GALNTL6: variants seen among roughly 807,000 people sequenced by gnomAD.
The protein encoded by GALNTL6 is polypeptide N-acetylgalactosaminyltransferase-like 6.
Under a neutral mutation model 73.7 loss-of-function variants are expected in GALNTL6, and 46 were observed. That is an observed-to-expected ratio of 0.62 (90% CI 0.49 to 0.80). GALNTL6 has a LOEUF of 0.80. Ranked by LOEUF, GALNTL6 falls within the 30% of genes least tolerant of loss-of-function variation. The pLI is 0.00. For missense variants in GALNTL6, 604 were observed against 755.0 expected, an observed-to-expected ratio of 0.80 and a Z score of 2.34; for synonymous variants, 259 against 263.7, an observed-to-expected ratio of 0.98 and a Z score of 0.17.
chr4:172,669,027 A>T (rs572503409), intron 5 of GALNTL6: 6 of 152,318 alleles, frequency 3.9e-5, no homozygotes, highest in African/African-American at 1.4e-4. Context: ...TATTTTATAG[A>T]TTCAGTTCTG....
At chr4:172,484,847 A>T (rs1733614932) in intron 5 of GALNTL6, among the ~76,000 whole-genome samples, 1 of 152,270 alleles carries the variant, frequency 6.6e-6, no homozygotes, top group South Asian at 2.1e-4. Flanking sequence ...GACTCAATAT[A>T]ACCTTGTTTT....
At chr4:172,290,707 A>C (rs1739437937) in intron 3 of GALNTL6, among the ~76,000 whole-genome samples, 1 of 151,930 alleles carries the variant, frequency 6.6e-6, no homozygotes, top group Non-Finnish European at 1.5e-5. Flanking sequence ...GGTGGGATAT[A>C]ATATACAATA....
intron 5 of GALNTL6, among the ~76,000 whole-genome samples, chr4:172,445,106 C>G (rs549605514): frequency 6.6e-6 from 1 of 152,156 alleles, no homozygotes; most frequent in Non-Finnish European, 1.5e-5. Flanking sequence ...GGGCACTATT[C>G]CTCAGAGAAC....
Position 172,809,433 on chromosome 4 carries a change from GAGA to G in GALNTL6, c.629_631del (p.Glu210del). ...GTGAGGATTGTTCGCACCAAGAAAA[GAGA>G]AGGACTCATCCGGACCCGTCTCCTG... On this transcript the variant is annotated inframe_deletion, in exon 6 of 13. Coordinates refer to ENST00000506823, the MANE Select transcript of GALNTL6 (RefSeq NM_001034845.3). The surrounding 1 kb of genome is among the most constrained non-coding windows in gnomAD (Gnocchi z 4.4). 6.2e-7 allele frequency: 1 copy of G among 1,613,926 alleles called. No individual in the cohort carries two copies. The highest frequency in any genetic ancestry group is 1.1e-5 in the South Asian group (1 of 91,056).
intron 2 of GALNTL6, among the ~76,000 whole-genome samples, chr4:172,158,977 A>G (rs1734370001): frequency 6.6e-6 from 1 of 152,292 alleles, no homozygotes; most frequent in Admixed American, 6.5e-5. Context: ...TTTTAAAACA[A>G]AAAAAGATTC....
chr4:172,185,835 A>C (rs1201868971), intron 2 of GALNTL6, among the ~76,000 whole-genome samples: 1 of 152,204 alleles, frequency 6.6e-6, no homozygotes, highest in Non-Finnish European at 1.5e-5. Flanking sequence ...GTATTTCAGT[A>C]AAGTAATATA....
At position 172,389,767 on chromosome 4, in the gene GALNTL6, T is replaced by G. The variant is rs574193474; in HGVS notation, c.553+41078T>G. Among the ~76,000 whole-genome samples, 231 of 152,292 alleles carry G rather than the reference T, an allele frequency of 1.5e-3. 1 individual carries two copies. Among genetic ancestry groups the G allele is most frequent in the Non-Finnish European group, 3.0e-3 (202 of 67,990 alleles). On this transcript the variant is annotated intron_variant, in intron 5 of 12. Coordinates refer to ENST00000506823, the MANE Select transcript of GALNTL6 (RefSeq NM_001034845.3). Reference sequence around the variant, plus strand: ...ATATTTGACAAACCCAGATGGTGGATACATAGCTTTTTATATGCTTAATAT... The same window carrying G: ...ATATTTGACAAACCCAGATGGTGGAGACATAGCTTTTTATATGCTTAATAT...
At chr4:172,618,639 C>T (rs1376593172) in intron 5 of GALNTL6, among the ~76,000 whole-genome samples, 1 of 152,070 alleles carries the variant, frequency 6.6e-6, no homozygotes, top group East Asian at 1.9e-4. Context: ...TCTATACATT[C>T]TATTGTTTTT....
chr4:172,626,455 G>T (rs185659877), intron 5 of GALNTL6, among the ~76,000 whole-genome samples: 2 of 152,034 alleles, frequency 1.3e-5, no homozygotes, highest in Admixed American at 1.3e-4. Flanking sequence ...ATGTCTCATG[G>T]CTTGTTCTTT....
At chr4:172,006,040 C>T (rs1221143353) in intron 2 of GALNTL6, among the ~76,000 whole-genome samples, 1 of 152,138 alleles carries the variant, frequency 6.6e-6, no homozygotes, top group East Asian at 1.9e-4. Context: ...GAATCTAGTT[C>T]CTCCAGCTGT....
At chr4:172,656,411 G>T (rs181023742) in intron 5 of GALNTL6, among the ~76,000 whole-genome samples, 1 of 152,152 alleles carries the variant, frequency 6.6e-6, no homozygotes, top group South Asian at 2.1e-4. Flanking sequence ...AAGTTGAACC[G>T]GATTGGTCTG....
intron 2 of GALNTL6, among the ~76,000 whole-genome samples, chr4:172,014,586 CTGGGTT>C (rs1435038401): frequency 1.3e-5 from 2 of 151,826 alleles, no homozygotes; most frequent in Non-Finnish European, 2.9e-5. Context: ...TTTTCTTCTG[CTGGGTT>C]TGGGTTTGAT....
intron 5 of GALNTL6, among the ~76,000 whole-genome samples, chr4:172,723,957 C>T (rs770590412): frequency 2.0e-5 from 3 of 152,100 alleles, no homozygotes; most frequent in South Asian, 2.1e-4. Flanking sequence ...GGATAATAAT[C>T]GTACTTACTT....
chr4:172,557,738 A>G (rs893807833), intron 5 of GALNTL6, among the ~76,000 whole-genome samples: 1 of 152,188 alleles, frequency 6.6e-6, no homozygotes, highest in African/African-American at 2.4e-5. Flanking sequence ...AGACTTTCCA[A>G]TACCAATTCT....
chr4:171,871,724 T>C (rs80066473), intron 2 of GALNTL6, among the ~76,000 whole-genome samples: 2,839 of 152,328 alleles, frequency 0.019, 85 homozygotes, highest in African/African-American at 0.064. Flanking sequence ...AATGATTCTG[T>C]TTCTTTAACT....
At chr4:171,934,618 G>T (rs1295221824) in intron 2 of GALNTL6, among the ~76,000 whole-genome samples, 1 of 151,918 alleles carries the variant, frequency 6.6e-6, no homozygotes, top group East Asian at 1.9e-4. Context: ...GTTATACCAT[G>T]TTACCCAGGC....
intron 10 of GALNTL6, among the ~76,000 whole-genome samples, chr4:172,985,603 G>A (rs531867811): frequency 2.0e-4 from 31 of 152,028 alleles, no homozygotes; most frequent in Non-Finnish European, 3.8e-4. Flanking sequence ...CTGAAAATTC[G>A]AAGACTAGGT....
At chr4:171,870,369 A>G (rs1039601342) in intron 2 of GALNTL6, among the ~76,000 whole-genome samples, 1 of 152,174 alleles carries the variant, frequency 6.6e-6, no homozygotes, top group African/African-American at 2.4e-5. Flanking sequence ...CCTCTTCCAG[A>G]CGTTGATGTG....
chr4:172,124,502 G>T (rs1270794596), intron 2 of GALNTL6, among the ~76,000 whole-genome samples: 8 of 152,032 alleles, frequency 5.3e-5, no homozygotes, highest in Admixed American at 1.3e-4. Context: ...TTTAACCAGG[G>T]TGATAATCAA....
Sources: allele counts gnomAD v4.1 joint callset (sites outside exome capture counted in the v4.1 genomes callset), GRCh38; gene constraint gnomAD v4.1.1; non-coding constraint Gnocchi (gnomAD v3.1); transcripts MANE v1.5; gene names NCBI Gene and HGNC (gene_info 2026-07-23, HGNC 2026-07-21).